Variants in TOX observed in about 807,000 individuals in gnomAD.
TOX encodes thymocyte selection-associated high mobility group box protein TOX.
A neutral mutation model predicts 53.7 loss-of-function variants in TOX; 11 were observed. The ratio of observed to expected loss-of-function variants is 0.20; its 90% CI spans 0.13 to 0.34. The LOEUF (loss-of-function observed/expected upper bound fraction) is 0.34, where lower values mean the gene tolerates loss of function less well. Among genes scored for constraint, TOX ranks in the 10% least tolerant of loss-of-function variants. TOX has a pLI of 1.00. For synonymous variants in TOX, 225 were observed against 245.3 expected, an observed-to-expected ratio of 0.92 and a Z score of 0.77; for missense variants, 570 against 664.6, an observed-to-expected ratio of 0.86 and a Z score of 1.56.
Position 59,055,306 on chromosome 8 carries a change from G to C in TOX, c.102+63580C>G, listed in dbSNP as rs995496223. 2.0e-4 allele frequency among the ~76,000 whole-genome samples: 30 copies of C among 152,170 alleles called. 2 individuals are homozygous for C. The highest frequency in any genetic ancestry group is 2.0e-3 in the Admixed American group (30 of 15,282). The stretch of plus-strand genomic sequence containing the variant: ...TAGCACACAGGGACTCAATGAAGCA[G>C]ACCCAAGGAGGGCTTTTCTCTACCT... On this transcript the variant is annotated intron_variant, in intron 1 of 8. Transcript: ENST00000361421.
chr8:58,919,411 A>C (rs1812036531), intron 3 of TOX, among the ~76,000 whole-genome samples: 1 of 42,936 alleles, frequency 2.3e-5, no homozygotes. Context: ...GCATATCTAC[A>C]ACTATCTGAT....
At chr8:59,066,584 CA>C (rs777325823) in intron 1 of TOX, among the ~76,000 whole-genome samples, 1 of 152,166 alleles carries the variant, frequency 6.6e-6, no homozygotes. Context: ...CTCTGTCACT[CA>C]AATTATGTCT....
intron 1 of TOX, among the ~76,000 whole-genome samples, chr8:58,995,765 C>T (rs928589951): frequency 6.6e-6 from 1 of 152,172 alleles, no homozygotes; most frequent in Non-Finnish European, 1.5e-5. Context: ...GAAAAATATA[C>T]TTTAGCATTT....
intron 1 of TOX, among the ~76,000 whole-genome samples, chr8:59,104,619 G>A (rs930837714): frequency 3.3e-5 from 5 of 152,216 alleles, no homozygotes; most frequent in African/African-American, 1.2e-4. Flanking sequence ...AGGTCAAGAA[G>A]TATGCTTGCA....
At chr8:58,848,665 C>G (rs1055196829) in intron 4 of TOX, among the ~76,000 whole-genome samples, 4 of 152,040 alleles carry the variant, frequency 2.6e-5, no homozygotes, top group Non-Finnish European at 5.9e-5. Context: ...CACAAGCTGC[C>G]TAAGTTTGTA....
At chr8:59,024,192 G>A (rs1236870517) in intron 1 of TOX, among the ~76,000 whole-genome samples, 1 of 152,158 alleles carries the variant, frequency 6.6e-6, no homozygotes, top group Non-Finnish European at 1.5e-5. Flanking sequence ...CCTGACATAT[G>A]AGAAGTATTC....
At chr8:59,060,050 A>C (rs1371061498) in intron 1 of TOX, among the ~76,000 whole-genome samples, 1 of 152,204 alleles carries the variant, frequency 6.6e-6, no homozygotes, top group Non-Finnish European at 1.5e-5. Flanking sequence ...AAATACAAAT[A>C]AAGCATTTAT....
chr8:58,817,884 T>C lies in TOX; in HGVS notation c.1006-2160A>G, dbSNP rs977984751. Reference sequence around the variant, plus strand: ...AAAATGTTTTCATTTTTAATTTCTATATATAACATATTACTAGATAATGAG... The same window carrying C: ...AAAATGTTTTCATTTTTAATTTCTACATATAACATATTACTAGATAATGAG... On this transcript the variant is annotated intron_variant, in intron 6 of 8. Transcript: ENST00000361421. 3.3e-5 allele frequency among the ~76,000 whole-genome samples: 5 copies of C among 152,304 alleles called. No individual in the cohort carries two copies. In the East Asian group the frequency reaches 9.6e-4, roughly 29 times the overall value.
chr8:58,922,253 A>G (rs1436489036), intron 3 of TOX, among the ~76,000 whole-genome samples: 1 of 152,238 alleles, frequency 6.6e-6, no homozygotes, highest in African/African-American at 2.4e-5. Flanking sequence ...TTACAGCTCC[A>G]GGATTGAAGT....
intron 1 of TOX, among the ~76,000 whole-genome samples, chr8:59,080,496 T>C (rs565018604): frequency 2.6e-5 from 4 of 152,324 alleles, no homozygotes; most frequent in Admixed American, 1.3e-4. Flanking sequence ...GAAGGCATGA[T>C]TGTATTTTGC....
In TOX at chr8:59,086,183, C is replaced by T. The variant is rs150645580; in HGVS notation, c.102+32703G>A. Among the ~76,000 whole-genome samples, 354 of 151,902 alleles carry T rather than the reference C, an allele frequency of 2.3e-3. 4 individuals are homozygous for T. The highest frequency in any genetic ancestry group is 8.3e-3 in the African/African-American group (345 of 41,434). ...TGTTTTTAGTAGAGATGGAGTTTCA[C>T]CATATTGTTGAGGCTGGTCTCATAC... On this transcript the variant is annotated intron_variant, in intron 1 of 8. Transcript: ENST00000361421.
chr8:59,023,605 T>C (rs1323129457), intron 1 of TOX, among the ~76,000 whole-genome samples: 1 of 152,190 alleles, frequency 6.6e-6, no homozygotes, highest in Non-Finnish European at 1.5e-5. Flanking sequence ...TCTAATGACA[T>C]GGAAGGTCAC....
At position 58,851,185 on chromosome 8, in the gene TOX, T is replaced by TCTCTCA. The variant is rs1275278112; in HGVS notation, c.693+338_693+339insTGAGAG. On this transcript the variant is annotated intron_variant, in intron 4 of 8. Coordinates refer to ENST00000361421, the MANE Select transcript of TOX (RefSeq NM_014729.3). This position sits in a 1 kb window ranked among gnomAD's most constrained non-coding sequence, Gnocchi z 4.4. ...CTCTCTCTCTCTCTCTCTCTCTCTC[T>TCTCTCA]CACACACACACACACACACACACAC... Among the ~76,000 whole-genome samples, 1,234 of 140,788 alleles carry TCTCTCA rather than the reference T, an allele frequency of 8.8e-3. 21 individuals carry two copies. The highest frequency in any genetic ancestry group is 0.032 in the African/African-American group (1,175 of 36,438). The allele number at this position is 140,788 out of a possible 152,430, so 92.4% of individuals were successfully genotyped here.
chr8:58,892,387 G>GGTA (rs1811573229), intron 3 of TOX, among the ~76,000 whole-genome samples: 1 of 152,030 alleles, frequency 6.6e-6, no homozygotes, highest in Non-Finnish European at 1.5e-5. Flanking sequence ...TTTCCTGGTG[G>GGTA]CTTTAGTCAG....
intron 1 of TOX, among the ~76,000 whole-genome samples, chr8:59,103,708 T>C (rs1377709806): frequency 2.0e-5 from 3 of 152,200 alleles, no homozygotes; most frequent in Non-Finnish European, 4.4e-5. Context: ...TGAGATACCT[T>C]CAAAAACGCC....
At chr8:59,054,815 A>C (rs1803859431) in intron 1 of TOX, among the ~76,000 whole-genome samples, 1 of 151,590 alleles carries the variant, frequency 6.6e-6, no homozygotes, top group Non-Finnish European at 1.5e-5. Context: ...AGAGAGAAGG[A>C]AGAAAGAGAG....
chr8:59,050,365 A>T (rs1257005362), intron 1 of TOX, among the ~76,000 whole-genome samples: 1 of 152,096 alleles, frequency 6.6e-6, no homozygotes, highest in Non-Finnish European at 1.5e-5. Flanking sequence ...TGCTGCATGA[A>T]CCACACATGA....
At chr8:59,021,781 G>C (rs1814140930) in intron 1 of TOX, among the ~76,000 whole-genome samples, 1 of 151,956 alleles carries the variant, frequency 6.6e-6, no homozygotes, top group Non-Finnish European at 1.5e-5. Flanking sequence ...TCAAAATCAT[G>C]ATTGAAATTC....
At chr8:58,824,610 C>A (rs1810337113) in intron 6 of TOX, among the ~76,000 whole-genome samples, 1 of 152,226 alleles carries the variant, frequency 6.6e-6, no homozygotes, top group Admixed American at 6.5e-5. Flanking sequence ...ACCCCCAGAT[C>A]CAATGTCACC....
Sources: gnomAD v4.1 joint callset for allele counts (sites outside exome capture counted in the v4.1 genomes callset) on GRCh38, gnomAD v4.1.1 for gene constraint, Gnocchi (gnomAD v3.1) non-coding constraint, MANE v1.5 for transcripts, NCBI Gene and HGNC (gene_info 2026-07-23, HGNC 2026-07-21) for gene names.